GRIN2B: variants seen among roughly 807,000 people sequenced by gnomAD.
GRIN2B encodes the protein glutamate receptor ionotropic, NMDA 2B.
GRIN2B carries 5 observed loss-of-function variants against 114.5 expected under a neutral mutation model. The ratio of observed to expected loss-of-function variants is 0.04; its 90% confidence interval spans 0.02 to 0.09. GRIN2B has a LOEUF of 0.09. Among genes scored for constraint, GRIN2B ranks in the 10% least tolerant of loss-of-function variants. The pLI, the probability that GRIN2B is intolerant of heterozygous loss-of-function variation, is 1.00. For missense variants in GRIN2B, 1,108 were observed against 1,943.5 expected (o/e 0.57, Z 8.08); for synonymous variants, 787 against 745.1 (o/e 1.06, Z -0.92).
intron 10 of GRIN2B, among the ~76,000 whole-genome samples, chr12:13,593,568 T>G (rs1949035982): frequency 2.0e-5 from 3 of 152,168 alleles, no homozygotes; most frequent in Admixed American, 2.0e-4. Flanking sequence ...ATGACTTAAA[T>G]GTAAGACCAA....
At chr12:13,879,720 A>AG (rs1461201120) in intron 2 of GRIN2B, among the ~76,000 whole-genome samples, 1 of 152,228 alleles carries the variant, frequency 6.6e-6, no homozygotes, top group African/African-American at 2.4e-5. Context: ...AGGAATGGCA[A>AG]GGGGGACAGG....
intron 4 of GRIN2B, among the ~76,000 whole-genome samples, chr12:13,677,315 GTCT>G (rs1331892219): frequency 1.3e-5 from 2 of 152,160 alleles, no homozygotes; most frequent in East Asian, 1.9e-4. Flanking sequence ...AAACTGGGAG[GTCT>G]TCTTTGATTC....
At chr12:13,697,615 A>G (rs1591682540) in intron 4 of GRIN2B, among the ~76,000 whole-genome samples, 1 of 152,162 alleles carries the variant, frequency 6.6e-6, no homozygotes, top group South Asian at 2.1e-4. Flanking sequence ...CATCCCAAAC[A>G]TTTTGTCCAA....
chr12:13,645,196 C>T (rs1949751023), intron 5 of GRIN2B, among the ~76,000 whole-genome samples: 1 of 152,054 alleles, frequency 6.6e-6, no homozygotes, highest in South Asian at 2.1e-4. Flanking sequence ...TTCACTTGAA[C>T]ACTTAGAGGC....
chr12:13,975,780 G>C (rs141013843), intron 2 of GRIN2B, among the ~76,000 whole-genome samples: 2 of 152,220 alleles, frequency 1.3e-5, no homozygotes, highest in African/African-American at 4.8e-5. Context: ...AGGGAAACAG[G>C]GCATATAAAC....
rs144542536 is a variant in GRIN2B, at chr12:13,553,572, G to C, written c.*9211C>G. On this transcript the variant is annotated 3_prime_UTR_variant, in exon 14 of 14. Transcript: ENST00000609686. ...GGCCACAAATGTGGAAGTAGCGTGTGGTGAAATACAGTGGTCCTGTTGGAC... is the reference window on the plus strand; with the variant it reads ...GGCCACAAATGTGGAAGTAGCGTGTCGTGAAATACAGTGGTCCTGTTGGAC... The C allele has an allele frequency of 6.6e-6, 1 of 152,306 alleles. No homozygotes were observed. The highest frequency in any genetic ancestry group is 1.9e-4 in the East Asian group (1 of 5,168). The allele number at this position is 152,306 out of a possible 1,614,324, so 9.4% of individuals were successfully genotyped here.
At chr12:13,631,587 C>A (rs148573421) in intron 5 of GRIN2B, among the ~76,000 whole-genome samples, 137 of 152,278 alleles carry the variant, frequency 9.0e-4, no homozygotes, top group Non-Finnish European at 1.1e-3. Context: ...AGACACTGGG[C>A]TAAGTGGTAG....
intron 4 of GRIN2B, among the ~76,000 whole-genome samples, chr12:13,696,790 C>T (rs1950263367): frequency 6.6e-6 from 1 of 152,130 alleles, no homozygotes; most frequent in Non-Finnish European, 1.5e-5. Context: ...ATTATCAGTA[C>T]TAATGGAGGA....
intron 2 of GRIN2B, among the ~76,000 whole-genome samples, chr12:13,881,651 CCTG>C (rs1164417425): frequency 6.6e-6 from 1 of 152,172 alleles, no homozygotes; most frequent in African/African-American, 2.4e-5. Flanking sequence ...TAAGTCAAAC[CCTG>C]CTATTTTCTC....
rs1266552445 is a variant in GRIN2B at position 13,692,674 on chromosome 12, C to T, written c.1011-16815G>A. 2.0e-5 allele frequency among the ~76,000 whole-genome samples: 3 copies of T among 150,876 alleles called. No individual in the cohort carries two copies. The East Asian group carries it at 5.8e-4, about 29-fold the overall frequency. ...GGTCAGTGTTCACCTTGACCCTCAG[C>T]TGTTAGGGTAGTCTCTGGTTACCCG... On this transcript the variant is annotated intron_variant, in intron 4 of 13. Coordinates refer to ENST00000609686, the MANE Select transcript of GRIN2B (RefSeq NM_000834.5).
intron 3 of GRIN2B, among the ~76,000 whole-genome samples, chr12:13,812,398 T>C (rs1251801583): frequency 6.6e-6 from 1 of 152,208 alleles, no homozygotes; most frequent in Admixed American, 6.5e-5. Flanking sequence ...CTGAATTTTA[T>C]TTGCCTATTA....
chr12:13,873,398 T>G (rs993346212), intron 2 of GRIN2B, among the ~76,000 whole-genome samples: 1 of 152,210 alleles, frequency 6.6e-6, no homozygotes, highest in African/African-American at 2.4e-5. Context: ...CATCTATATA[T>G]TCAGGGCATT....
chr12:13,743,557 T>G (rs1863321691), intron 4 of GRIN2B, among the ~76,000 whole-genome samples: 1 of 152,120 alleles, frequency 6.6e-6, no homozygotes, highest in African/African-American at 2.4e-5. Context: ...TGCTCTATTG[T>G]GCTGTTTTGC....
intron 3 of GRIN2B, among the ~76,000 whole-genome samples, chr12:13,762,161 G>A (rs1260217817): frequency 6.6e-6 from 1 of 151,984 alleles, no homozygotes; most frequent in Non-Finnish European, 1.5e-5. Context: ...CCGCCACCAC[G>A]ACCGGCTAAT....
intron 2 of GRIN2B, among the ~76,000 whole-genome samples, chr12:13,924,984 G>A (rs116895289): frequency 0.011 from 1,746 of 152,234 alleles, 19 homozygotes; most frequent in Middle Eastern, 0.044. Context: ...TAAAAATGAA[G>A]GCAATGGTAG....
intron 3 of GRIN2B, among the ~76,000 whole-genome samples, chr12:13,830,051 G>T (rs1865118970): frequency 1.3e-5 from 2 of 152,144 alleles, no homozygotes; most frequent in African/African-American, 4.8e-5. Context: ...TATCTGGAAG[G>T]CAGAGATTGT....
chr12:13,870,948 A>G (rs11836232), intron 2 of GRIN2B, among the ~76,000 whole-genome samples: 9,851 of 152,256 alleles, frequency 0.065, 450 homozygotes, highest in African/African-American at 0.13. Context: ...TTTAATATCA[A>G]GACAAAATAA....
At chr12:13,640,748 T>C (rs1291046392) in intron 5 of GRIN2B, among the ~76,000 whole-genome samples, 1 of 152,168 alleles carries the variant, frequency 6.6e-6, no homozygotes, top group Non-Finnish European at 1.5e-5. Flanking sequence ...GGCCAAGGCA[T>C]AGCCAAATTT....
chr12:13,896,756 A>T (rs1866363033), intron 2 of GRIN2B, among the ~76,000 whole-genome samples: 1 of 152,186 alleles, frequency 6.6e-6, no homozygotes, highest in Non-Finnish European at 1.5e-5. Context: ...TTGTTTTATG[A>T]GCAAGTTAAT....
Sources: allele counts gnomAD v4.1 joint callset (sites outside exome capture counted in the v4.1 genomes callset), GRCh38; gene constraint gnomAD v4.1.1; transcripts MANE v1.5; gene names NCBI Gene and HGNC (gene_info 2026-07-23, HGNC 2026-07-21).